Variants in CADPS2 observed in about 807,000 individuals in gnomAD.
CADPS2 encodes calcium dependent secretion activator 2.
CADPS2 carries 93 observed loss-of-function variants against 172.5 expected under a neutral mutation model. The ratio of observed to expected loss-of-function variants is 0.54; its 90% CI spans 0.46 to 0.64. CADPS2 has a LOEUF of 0.64. CADPS2 is among the 30% of genes least tolerant of loss of function. The pLI, the probability that CADPS2 is intolerant of heterozygous loss-of-function variation, is 0.00. For missense variants in CADPS2, 1,420 were observed against 1,565.9 expected (o/e 0.91, Z 1.57); for synonymous variants, 546 against 555.2 (o/e 0.98, Z 0.23).
At chr7:122,649,898 ATTTTTTTTTT>A (rs71531909) in intron 3 of CADPS2, among the ~76,000 whole-genome samples, 35 of 52,022 alleles carry the variant, frequency 6.7e-4, no homozygotes, top group South Asian at 3.9e-3. Flanking sequence ...GTATTCAATG[ATTTTTTTTTT>A]TTTTTTTTTT....
At chr7:122,403,610 T>C (rs1035369638) in intron 20 of CADPS2, among the ~76,000 whole-genome samples, 3 of 152,130 alleles carry the variant, frequency 2.0e-5, no homozygotes, top group Admixed American at 1.3e-4. Flanking sequence ...TGATTGAAAA[T>C]TACATTTTAT....
chr7:122,728,143 A>G (rs1207581675), intron 2 of CADPS2, among the ~76,000 whole-genome samples: 2 of 151,914 alleles, frequency 1.3e-5, no homozygotes, highest in Admixed American at 6.6e-5. Flanking sequence ...TTTCTATTCC[A>G]AAGTAAAATG....
At chr7:122,874,168 A>G (rs1158495117) in intron 1 of CADPS2, among the ~76,000 whole-genome samples, 1 of 152,124 alleles carries the variant, frequency 6.6e-6, no homozygotes, top group Non-Finnish European at 1.5e-5. Flanking sequence ...GTTCTTTTAC[A>G]TCCCATTTAT....
chr7:122,734,397 A>G (rs1272676557), intron 2 of CADPS2, among the ~76,000 whole-genome samples: 1 of 141,932 alleles, frequency 7.0e-6, no homozygotes, highest in African/African-American at 2.6e-5. Context: ...GAAAAAAAAA[A>G]AAGAAAATCT....
At chr7:122,772,538 TAC>T (rs1211149705) in intron 1 of CADPS2, among the ~76,000 whole-genome samples, 1 of 152,122 alleles carries the variant, frequency 6.6e-6, no homozygotes, top group African/African-American at 2.4e-5. Flanking sequence ...ATTCAACAGA[TAC>T]AGTTAAATTT....
At chr7:122,711,625 T>G (rs2088739093) in intron 2 of CADPS2, among the ~76,000 whole-genome samples, 1 of 152,068 alleles carries the variant, frequency 6.6e-6, no homozygotes, top group Non-Finnish European at 1.5e-5. Flanking sequence ...GAGTTCTTTT[T>G]CCTATGAACT....
intron 2 of CADPS2, among the ~76,000 whole-genome samples, chr7:122,714,318 C>A (rs2089259567): frequency 6.6e-6 from 1 of 152,042 alleles, no homozygotes; most frequent in African/African-American, 2.4e-5. Context: ...TACAAGAATA[C>A]AAAGTGGACA....
chr7:122,374,908 G>GT (rs1382051726), intron 25 of CADPS2, among the ~76,000 whole-genome samples: 4 of 152,068 alleles, frequency 2.6e-5, no homozygotes, highest in Non-Finnish European at 5.9e-5. Context: ...TACTAACAAT[G>GT]CACTATTTGG....
chr7:122,339,599 CG>C (rs2036462334), intron 28 of CADPS2, among the ~76,000 whole-genome samples: 2 of 152,234 alleles, frequency 1.3e-5, no homozygotes, highest in African/African-American at 4.8e-5. Context: ...TCAAAAGTTC[CG>C]GGCAGGCCGG....
intron 1 of CADPS2, among the ~76,000 whole-genome samples, chr7:122,786,053 C>T (rs898844944): frequency 6.6e-6 from 1 of 152,072 alleles, no homozygotes; most frequent in Non-Finnish European, 1.5e-5. Context: ...TTTTATTTTC[C>T]ACATTCCACT....
intron 1 of CADPS2, among the ~76,000 whole-genome samples, chr7:122,778,971 G>A (rs1452457067): frequency 6.6e-6 from 1 of 152,086 alleles, no homozygotes; most frequent in Non-Finnish European, 1.5e-5. Context: ...ATGGCAGTGG[G>A]TTTTTCCCAT....
chr7:122,364,055 C>T (rs190491643), intron 25 of CADPS2, among the ~76,000 whole-genome samples: 40 of 152,232 alleles, frequency 2.6e-4, no homozygotes, highest in African/African-American at 8.7e-4. Context: ...ATGCTCTTTA[C>T]CCATCATGCT....
intron 7 of CADPS2, among the ~76,000 whole-genome samples, chr7:122,566,554 T>A (rs1262601138): frequency 6.6e-6 from 1 of 152,094 alleles, no homozygotes; most frequent in Non-Finnish European, 1.5e-5. Context: ...GGGTGGATAT[T>A]CTAAAGTGAC....
At chr7:122,730,911 C>CA (rs1045749330) in intron 2 of CADPS2, among the ~76,000 whole-genome samples, 3 of 150,714 alleles carry the variant, frequency 2.0e-5, no homozygotes, top group East Asian at 1.9e-4. Context: ...AGACATTTTG[C>CA]AAAAAAAGGC....
intron 17 of CADPS2, among the ~76,000 whole-genome samples, chr7:122,418,300 A>C (rs2048168898): frequency 6.6e-6 from 1 of 152,236 alleles, no homozygotes; most frequent in African/African-American, 2.4e-5. Context: ...CTCACAGATA[A>C]GGAAACATGC....
intron 2 of CADPS2, chr7:122,698,709 T>A (rs1454111678): frequency 5.0e-6 from 8 of 1,613,514 alleles, no homozygotes; most frequent in Non-Finnish European, 5.9e-6. Context: ...CTCCTGCCAC[T>A]CTCTTCAAAG....
chr7:122,393,355 G>A, intron 21 of CADPS2, 40 bp from the exon 22 acceptor site: 2 of 1,613,676 alleles, frequency 1.2e-6, no homozygotes, highest in Non-Finnish European at 1.7e-6. Context: ...ACCACCATAA[G>A]CGATAACTAC....
intron 12 of CADPS2, among the ~76,000 whole-genome samples, chr7:122,478,168 A>G (rs1030953291): frequency 1.3e-5 from 2 of 152,216 alleles, no homozygotes; most frequent in African/African-American, 2.4e-5. Flanking sequence ...AAATTGGGTT[A>G]TACTGGATTA....
At chr7:122,878,438 G>A (rs1255721447) in intron 1 of CADPS2, among the ~76,000 whole-genome samples, 1 of 151,422 alleles carries the variant, frequency 6.6e-6, no homozygotes, top group Non-Finnish European at 1.5e-5. Flanking sequence ...GGATCACAAC[G>A]TCAGGAGATC....
Sources: allele counts gnomAD v4.1 joint callset (sites outside exome capture counted in the v4.1 genomes callset), GRCh38; gene constraint gnomAD v4.1.1; transcripts MANE v1.5; gene names NCBI Gene and HGNC (gene_info 2026-07-23, HGNC 2026-07-21).